The following SHISA9 variants were observed in gnomAD, a reference collection of about 807,000 sequenced individuals.
SHISA9 encodes the protein shisa family member 9, also known as protein shisa-9.
SHISA9 carries 13 observed loss-of-function variants against 38.0 expected under a neutral mutation model. The ratio of observed to expected loss-of-function variants is 0.34; its 90% CI spans 0.22 to 0.54. The LOEUF is 0.54. Ranked by LOEUF, SHISA9 falls within the 20% of genes least tolerant of loss-of-function variation. The probability of loss-of-function intolerance (pLI) is 0.91; values close to 1 mark genes in which losing one functional copy is unlikely to be tolerated. For synonymous variants in SHISA9, 275 were observed against 242.0 expected, an observed-to-expected ratio of 1.14 and a Z score of -1.27; for missense variants, 538 against 575.8, an observed-to-expected ratio of 0.93 and a Z score of 0.67.
intron 4 of SHISA9, among the ~76,000 whole-genome samples, chr16:13,222,931 A>G (rs591066): frequency 0.7 from 106,152 of 151,830 alleles, 38,297 homozygotes; most frequent in African/African-American, 0.89. Context: ...GATACTTGCT[A>G]TGAGGCAATG....
At chr16:13,271,832 A>G in the SHISA9 span, among the ~76,000 whole-genome samples, 279 of 152,290 alleles carry the variant, frequency 1.8e-3, 1 homozygote, top group African/African-American at 6.3e-3. Flanking sequence ...CTGTAATCCC[A>G]GCACTCTGGG....
At chr16:13,068,519 G>T (rs1474909413) in intron 2 of SHISA9, among the ~76,000 whole-genome samples, 1 of 152,178 alleles carries the variant, frequency 6.6e-6, no homozygotes, top group Non-Finnish European at 1.5e-5. Flanking sequence ...TCTAGTTTAG[G>T]AGTGGCCTGG....
chr16:13,286,337 C>G, the SHISA9 span, among the ~76,000 whole-genome samples: 5 of 152,154 alleles, frequency 3.3e-5, no homozygotes, highest in African/African-American at 1.2e-4. Flanking sequence ...TTGACTGAGA[C>G]CTGTCTCAGA....
At chr16:13,150,043 A>T (rs1347454244) in intron 2 of SHISA9, among the ~76,000 whole-genome samples, 1 of 148,748 alleles carries the variant, frequency 6.7e-6, no homozygotes, top group African/African-American at 2.5e-5. Flanking sequence ...AAAAAAAAAA[A>T]AAAAAAAAAA....
Position 13,236,972 on chromosome 16 carries a change from G to C in SHISA9, c.*1563G>C, listed in dbSNP as rs1001633845. 1 of 152,148 alleles carries C rather than the reference G, an allele frequency of 6.6e-6. No homozygotes were observed. The highest frequency in any genetic ancestry group is 1.5e-5 in the Non-Finnish European group (1 of 68,044). The allele number at this position is 152,148 out of a possible 1,614,324, so 9.4% of individuals were successfully genotyped here. ...AGCAAAGTCAGTTTTCCTACAAGTT[G>C]TGTTTGTTTTGTGGAAGCCCAAAGA... On this transcript the variant is annotated 3_prime_UTR_variant, in exon 5 of 5. Transcript: ENST00000558583.
the SHISA9 span, among the ~76,000 whole-genome samples, chr16:13,546,819 AC>A: frequency 6.6e-6 from 1 of 152,260 alleles, no homozygotes; most frequent in South Asian, 2.1e-4. Flanking sequence ...TGAAAAAGAA[AC>A]CATACGGTCT....
chr16:13,122,389 A>G (rs1238242942), intron 2 of SHISA9, among the ~76,000 whole-genome samples: 5 of 152,092 alleles, frequency 3.3e-5, no homozygotes. Context: ...AAACAATCTC[A>G]TCCTTCCTAA....
chr16:13,430,053 CA>C, the SHISA9 span, among the ~76,000 whole-genome samples: 1 of 152,208 alleles, frequency 6.6e-6, no homozygotes, highest in African/African-American at 2.4e-5. Context: ...CTGACACACC[CA>C]GAAGAAAGGC....
chr16:13,437,012 C>G, the SHISA9 span, among the ~76,000 whole-genome samples: 2 of 152,146 alleles, frequency 1.3e-5, no homozygotes, highest in Non-Finnish European at 2.9e-5. Context: ...TCTCATGAGA[C>G]TTACTCATTT....
the SHISA9 span, among the ~76,000 whole-genome samples, chr16:13,335,682 C>A: frequency 1.2e-3 from 186 of 152,272 alleles, no homozygotes; most frequent in African/African-American, 3.9e-3. Context: ...GCCTGGACAA[C>A]CTCTCAGGCT....
At chr16:13,188,879 A>T (rs1052496631) in intron 2 of SHISA9, among the ~76,000 whole-genome samples, 4 of 145,588 alleles carry the variant, frequency 2.7e-5, no homozygotes, top group Admixed American at 2.0e-4. Context: ...CTGCAGATGC[A>T]ATTAGTTGAG....
chr16:13,190,064 A>T (rs1415132786), intron 2 of SHISA9, among the ~76,000 whole-genome samples: 2 of 149,074 alleles, frequency 1.3e-5, no homozygotes, highest in Non-Finnish European at 3.0e-5. Context: ...TGCTGTGGGC[A>T]TAAAACACCC....
intron 2 of SHISA9, among the ~76,000 whole-genome samples, chr16:13,086,247 T>TG (rs2073708921): frequency 6.8e-6 from 1 of 147,090 alleles, no homozygotes. Flanking sequence ...CTCCGTGGCT[T>TG]GGGAGGCTGA....
chr16:13,157,866 C>T (rs2142009978), intron 2 of SHISA9, among the ~76,000 whole-genome samples: 1 of 152,258 alleles, frequency 6.6e-6, no homozygotes, highest in East Asian at 1.9e-4. Flanking sequence ...GAGAGGAGGG[C>T]TTCATAAAAG....
chr16:13,252,384 A>G, the SHISA9 span, among the ~76,000 whole-genome samples: 912 of 152,350 alleles, frequency 6.0e-3, 8 homozygotes, highest in African/African-American at 0.021. Flanking sequence ...CATGTAGTGC[A>G]TAGAGGCCAA....
At chr16:13,181,457 A>T (rs1222290737) in intron 2 of SHISA9, among the ~76,000 whole-genome samples, 1 of 151,804 alleles carries the variant, frequency 6.6e-6, no homozygotes, top group Non-Finnish European at 1.5e-5. Flanking sequence ...GGTTTAAATG[A>T]GGGCTCAGCT....
At chr16:13,465,207 C>T in the SHISA9 span, among the ~76,000 whole-genome samples, 2 of 152,168 alleles carry the variant, frequency 1.3e-5, no homozygotes. Context: ...TTGTTAGATG[C>T]CAGCAGCCCT....
the SHISA9 span, among the ~76,000 whole-genome samples, chr16:13,558,353 A>G: frequency 6.6e-6 from 1 of 152,120 alleles, no homozygotes; most frequent in South Asian, 2.1e-4. Flanking sequence ...TTATTTATCA[A>G]TAACAAGAAA....
chr16:13,085,969 A>C (rs112461072), intron 2 of SHISA9, among the ~76,000 whole-genome samples: 5,444 of 152,318 alleles, frequency 0.036, 132 homozygotes, highest in Middle Eastern at 0.065. Context: ...TTTTTAAAAA[A>C]GAATGAGAGG....
Sources: gnomAD v4.1 joint callset for allele counts (sites outside exome capture counted in the v4.1 genomes callset) on GRCh38, gnomAD v4.1.1 for gene constraint, MANE v1.5 for transcripts, NCBI Gene and HGNC (gene_info 2026-07-23, HGNC 2026-07-21) for gene names.